PRKDC: variants seen among roughly 807,000 people sequenced by gnomAD.
The protein encoded by PRKDC is DNA-dependent protein kinase catalytic subunit.
A neutral mutation model predicts 486.9 loss-of-function variants in PRKDC; 82 were observed. The ratio of observed to expected loss-of-function variants is 0.17; its 90% confidence interval spans 0.14 to 0.20. The LOEUF is 0.20. Ranked by LOEUF, PRKDC falls within the 10% of genes least tolerant of loss-of-function variation. PRKDC has a pLI of 1.00. For missense variants in PRKDC, 4,504 were observed against 5,038.2 expected, an observed-to-expected ratio of 0.89 and a Z score of 3.21; for synonymous variants, 1,895 against 1,837.0, an observed-to-expected ratio of 1.03 and a Z score of -0.81.
chr8:47,874,329 C>T (rs1301530287), intron 40 of PRKDC, among the ~76,000 whole-genome samples: 1 of 152,168 alleles, frequency 6.6e-6, no homozygotes, highest in Non-Finnish European at 1.5e-5. Context: ...GTGATGAATA[C>T]TTCAGTCACC....
At chr8:47,808,708 A>G (rs776365063) in intron 68 of PRKDC, among the ~76,000 whole-genome samples, 1 of 152,110 alleles carries the variant, frequency 6.6e-6, no homozygotes, top group Non-Finnish European at 1.5e-5. Context: ...ATTTCTATTA[A>G]TATTAGTAAC....
intron 33 of PRKDC, 79 bp downstream of exon 33, chr8:47,888,935 G>C: frequency 7.2e-7 from 1 of 1,395,438 alleles, no homozygotes; most frequent in South Asian, 1.3e-5. Flanking sequence ...GGAAGCAGGA[G>C]CAGCTGCAGG....
intron 20 of PRKDC, 100 bp from the exon 21 acceptor site, chr8:47,927,453 T>G (rs767050339): frequency 2.2e-6 from 3 of 1,337,118 alleles, no homozygotes. Context: ...ATACTCCTTT[T>G]TATTACTGGA....
chr8:47,782,452 G>T lies in PRKDC; in HGVS notation c.11322C>A (p.Ile3774=). ...GGCTGCAGGCGGAGTCTTGGGCCAGGATCCCATTCATGACCTGGAAGAGCT... is the reference window on the plus strand; with the variant it reads ...GGCTGCAGGCGGAGTCTTGGGCCAGTATCCCATTCATGACCTGGAAGAGCT... The part of the protein sequence containing the change: ...VEQLFQVMNG[I]LAQDSACSQR... The change falls in exon 79 of 86, where the codon ATC becomes ATA. Residue 3774 remains isoleucine (I), a synonymous_variant. Coordinates refer to ENST00000314191, the MANE Select transcript of PRKDC (RefSeq NM_006904.7). This position sits in a 1 kb window ranked among gnomAD's most constrained non-coding sequence, Gnocchi z 4.9. 1 of 1,594,588 alleles carries T rather than the reference G, an allele frequency of 6.3e-7. No individual in the cohort carries two copies. The highest frequency in any genetic ancestry group is 8.5e-7 in the Non-Finnish European group (1 of 1,171,390).
chr8:47,903,238 C>A (rs572801349), intron 26 of PRKDC, among the ~76,000 whole-genome samples: 2 of 152,246 alleles, frequency 1.3e-5, no homozygotes, highest in South Asian at 4.2e-4. Context: ...TGTACTGCTC[C>A]ATAAAGGAAA....
chr8:47,940,744 T>C (rs1337758397), intron 10 of PRKDC, among the ~76,000 whole-genome samples: 5 of 152,212 alleles, frequency 3.3e-5, no homozygotes, highest in Non-Finnish European at 5.9e-5. Flanking sequence ...TTCCTGGATA[T>C]AGTATTAAAG....
At chr8:47,892,085 G>A (rs2089472355) in intron 31 of PRKDC, among the ~76,000 whole-genome samples, 1 of 152,152 alleles carries the variant, frequency 6.6e-6, no homozygotes, top group South Asian at 2.1e-4. Context: ...GGCCAGACTG[G>A]TTTCGAACTC....
chr8:47,939,950 G>GAA lies in PRKDC; in HGVS notation c.967-255_967-254dup, dbSNP rs75394842. The GAA allele has an allele frequency of 4.8e-3, 315 of 65,754 alleles. 3 individuals carry two copies. The highest frequency in any genetic ancestry group is 0.015 in the African/African-American group (285 of 18,750). The allele number at this position is 65,754 out of a possible 1,614,324, so 4.1% of individuals were successfully genotyped here. On this transcript the variant is annotated intron_variant, in intron 10 of 85. Coordinates refer to ENST00000314191, the MANE Select transcript of PRKDC (RefSeq NM_006904.7). ...AGAGACCAAGGATACACATAAGTCT[G>GAA]AAAAAAAAAAAAAAAAAAAACCAAA...
chr8:47,954,707 T>C (rs2090674948), intron 4 of PRKDC, among the ~76,000 whole-genome samples: 2 of 152,144 alleles, frequency 1.3e-5, no homozygotes, highest in African/African-American at 4.8e-5. Context: ...GCTCTAGGTG[T>C]GTTACGTTCC....
chr8:47,861,448 A>G (rs568099950), intron 44 of PRKDC, among the ~76,000 whole-genome samples: 1 of 152,364 alleles, frequency 6.6e-6, no homozygotes, highest in South Asian at 2.1e-4. Context: ...CTTGTTCAGA[A>G]GAAGTACAAG....
intron 83 of PRKDC, 73 bp downstream of exon 83, chr8:47,778,386 A>T: frequency 6.8e-7 from 1 of 1,476,884 alleles, no homozygotes. Flanking sequence ...AAAACTGTCT[A>T]TTTCTGGAGG....
intron 35 of PRKDC, among the ~76,000 whole-genome samples, chr8:47,886,524 T>C (rs2089336281): frequency 6.6e-6 from 1 of 151,952 alleles, no homozygotes; most frequent in Non-Finnish European, 1.5e-5. Flanking sequence ...CCCGAGTATC[T>C]GGAATTACAA....
At chr8:47,823,055 A>C (rs918982028) in intron 64 of PRKDC, among the ~76,000 whole-genome samples, 138 of 151,878 alleles carry the variant, frequency 9.1e-4, no homozygotes, top group African/African-American at 3.1e-3. Flanking sequence ...TCATGAATGA[A>C]GTGGGCCATT....
At chr8:47,949,295 G>C (rs1785796843) in intron 7 of PRKDC, among the ~76,000 whole-genome samples, 2 of 152,208 alleles carry the variant, frequency 1.3e-5, no homozygotes, top group African/African-American at 2.4e-5. Context: ...ATTAGGATGG[G>C]ACACCCTGGT....
chr8:47,840,688 T>A (rs919701760), intron 54 of PRKDC, among the ~76,000 whole-genome samples: 2 of 152,230 alleles, frequency 1.3e-5, no homozygotes, highest in Non-Finnish European at 2.9e-5. Context: ...TATAGTGAAG[T>A]ACAATCTGAG....
At chr8:47,936,098 T>C (rs1421235509) in intron 12 of PRKDC, among the ~76,000 whole-genome samples, 198 bp from the exon 13 acceptor site, 7 of 152,140 alleles carry the variant, frequency 4.6e-5, no homozygotes, top group Admixed American at 3.9e-4. Flanking sequence ...AAAAATTGTC[T>C]TGAGGTGCAA....
rs1024528105 is a variant in PRKDC, at chr8:47,799,226, C to G, written c.10281G>C (p.Glu3427Asp). The change falls in exon 72 of 86, where the codon GAG (glutamate) becomes GAC (aspartate). Residue 3427 changes from glutamate to aspartate, a missense_variant. This residue lies in a region of PRKDC where 706 missense variants were observed against 945.0 expected (regional missense o/e 0.75). Transcript: ENST00000314191. ...TCAATTCACCTGATGCATTCTCTTCCTCCTTGCGCAGCTGTTGGTCACAGA... is the reference window on the plus strand; with the variant it reads ...TCAATTCACCTGATGCATTCTCTTCGTCCTTGCGCAGCTGTTGGTCACAGA... ...ADFCDQQLRK[E>D]EENASVIDSA... is the part of the protein sequence containing the mutation. The G allele has an allele frequency of 4.3e-6, 7 of 1,613,780 alleles. No individual in the cohort carries two copies. Among genetic ancestry groups the G allele is most frequent in the Non-Finnish European group, 5.9e-6 (7 of 1,179,908 alleles).
chr8:47,791,074 T>C (rs989227624), intron 74 of PRKDC, among the ~76,000 whole-genome samples: 1 of 152,040 alleles, frequency 6.6e-6, no homozygotes, highest in Non-Finnish European at 1.5e-5. Context: ...AACAGGAGGA[T>C]CACATCAAGT....
chr8:47,912,281 TG>T, intron 25 of PRKDC, 128 bp downstream of exon 25: 1 of 1,060,634 alleles, frequency 9.4e-7, no homozygotes, highest in Non-Finnish European at 1.3e-6. Flanking sequence ...CCAGAGCACC[TG>T]GGGTAGCAGT....
Sources: allele counts gnomAD v4.1 joint callset (sites outside exome capture counted in the v4.1 genomes callset), GRCh38; gene constraint gnomAD v4.1.1; regional missense constraint gnomAD v4.1.1; non-coding constraint Gnocchi (gnomAD v3.1); transcripts MANE v1.5; gene names NCBI Gene and HGNC (gene_info 2026-07-23, HGNC 2026-07-21).